The following TASOR2 variants were observed in gnomAD, a reference collection of about 807,000 sequenced individuals.
TASOR2 encodes the protein protein TASOR 2.
Under a neutral mutation model 199.5 loss-of-function variants are expected in TASOR2, and 84 were observed. The observed-to-expected ratio is 0.42, with a 90% confidence interval of 0.35 to 0.50. The LOEUF (loss-of-function observed/expected upper bound fraction) is 0.50. Among genes scored for constraint, TASOR2 ranks in the 20% least tolerant of loss-of-function variants. TASOR2 has a pLI of 0.02. For missense variants in TASOR2, 2,796 were observed against 2,835.9 expected, an observed-to-expected ratio of 0.99 and a Z score of 0.32; for synonymous variants, 1,103 against 1,046.6, an observed-to-expected ratio of 1.05 and a Z score of -1.04.
intron 8 of TASOR2, among the ~76,000 whole-genome samples, chr10:5,726,077 G>T (rs376530731): frequency 6.6e-6 from 1 of 151,990 alleles, no homozygotes; most frequent in Non-Finnish European, 1.5e-5. Flanking sequence ...TCTGTAAAAT[G>T]GTATATTTTA....
chr10:5,710,201 C>T lies in TASOR2; in HGVS notation c.-287-2622C>T, dbSNP rs529450736. ...TAGATGAAATTTTCATCTGTCTCCT[C>T]ATTTACTGAACAGGAAACTTGTGCT... On this transcript the variant is annotated intron_variant, in intron 1 of 20. Coordinates refer to ENST00000328090, the Ensembl canonical transcript of TASOR2. This position sits in a 1 kb window ranked among gnomAD's most constrained non-coding sequence, Gnocchi z 4.6. 6.6e-6 allele frequency among the ~76,000 whole-genome samples: 1 copy of T among 152,136 alleles called. No individual in the cohort carries two copies. The highest frequency in any genetic ancestry group is 1.9e-4 in the East Asian group (1 of 5,186).
At chr10:5,743,141 A>G (rs1287028069) in intron 14 of TASOR2, among the ~76,000 whole-genome samples, 2 of 152,268 alleles carry the variant, frequency 1.3e-5, no homozygotes, top group African/African-American at 2.4e-5. Flanking sequence ...TTCTAAGCAA[A>G]TGAATTGACA....
chr10:5,735,453 G>A (rs781127469), exon 12 of TASOR2: 10 of 1,613,926 alleles, frequency 6.2e-6, no homozygotes, highest in Admixed American at 3.3e-5. Flanking sequence ...TGTTCCAAGG[G>A]CTAAGCCACC....
At chr10:5,734,318 A>G (rs1180423030) in intron 11 of TASOR2, among the ~76,000 whole-genome samples, 1 of 152,210 alleles carries the variant, frequency 6.6e-6, no homozygotes, top group East Asian at 1.9e-4. Flanking sequence ...AAGAGACACC[A>G]TTGTGTAAGA....
chr10:5,721,526 G>A (rs118017853), intron 6 of TASOR2, among the ~76,000 whole-genome samples: 3,737 of 152,144 alleles, frequency 0.025, 59 homozygotes, highest in South Asian at 0.037. Flanking sequence ...CTGATGTGTT[G>A]TGAGGATTCA....
In TASOR2 at chr10:5,730,043, T is replaced by G. The variant is rs1470370789; in HGVS notation, c.488-444T>G. On this transcript the variant is annotated intron_variant, in intron 10 of 20. Coordinates refer to ENST00000328090, the Ensembl canonical transcript of TASOR2. The surrounding 1 kb of genome is among the most constrained non-coding windows in gnomAD (Gnocchi z 4.1). ...TTCAGTTCAGTTGACTTGCACTAAC[T>G]TCTGAAAAGAATTTGAAGTGAGTTC... Among the ~76,000 whole-genome samples the G allele has an allele frequency of 6.6e-6, 1 of 152,222 alleles. No homozygotes were observed. The highest frequency in any genetic ancestry group is 2.4e-5 in the African/African-American group (1 of 41,464).
rs11593253 is a variant in TASOR2 at position 5,748,766 on chromosome 10, C to T, written c.5345C>T (p.Thr1782Ile). Reference sequence around the variant, plus strand: ...TCCTTTGTTTCAGAATCCTTTGATACTTCTGTTTGTGGAATAGCCACAGAG... The same window carrying T: ...TCCTTTGTTTCAGAATCCTTTGATATTTCTGTTTGTGGAATAGCCACAGAG... Residue 1782 changes from threonine (T) to isoleucine (I), a missense_variant, in exon 15 of 21, where the codon ACT becomes ATT. This residue lies in a region of TASOR2 where 1,941 missense variants were observed against 1,924.9 expected (regional missense o/e 1.01). Coordinates refer to ENST00000328090, the Ensembl canonical transcript of TASOR2. The surrounding 1 kb of genome is among the most constrained non-coding windows in gnomAD (Gnocchi z 5.1). The T allele has an allele frequency of 7.5e-3, 12,127 of 1,614,128 alleles. 132 individuals carry two copies. Among genetic ancestry groups the T allele is most frequent in the South Asian group, 0.036 (3,243 of 91,074 alleles).
In TASOR2 at chr10:5,720,128, G is replaced by T. The variant is rs532391014; in HGVS notation, c.-99-416G>T. On this transcript the variant is annotated intron_variant, in intron 3 of 20. Transcript: ENST00000328090. The surrounding 1 kb of genome is among the most constrained non-coding windows in gnomAD (Gnocchi z 5.3). ...CTTAAGATAATTGTTTTTCTAAGAA[G>T]TATAGTTCTTAATACAGTTACTGTT... 8.2e-5 allele frequency: 27 copies of T among 329,890 alleles called. No homozygotes were observed. The highest frequency in any genetic ancestry group is 5.4e-4 in the African/African-American group (24 of 44,796). 20.4% of individuals were successfully genotyped at this position (329,890 alleles called of 1,614,324 possible). A position where few individuals can be genotyped will look rare whatever the true frequency, so the allele number is the denominator to read the frequency against.
At chr10:5,713,684 A>G (rs1183327525) in intron 2 of TASOR2, 1 of 152,350 alleles carries the variant, frequency 6.6e-6, no homozygotes. Context: ...TTTGGCAACA[A>G]GACATTTTGA....
rs763854402 is a variant in TASOR2, at chr10:5,720,963, A to G, written c.139A>G (p.Thr47Ala). ...GTCCACTTACGGTGCAATGATTCCAACACAGCTGTAAGTATTAAATGTTAT... is the reference window on the plus strand; with the variant it reads ...GTCCACTTACGGTGCAATGATTCCAGCACAGCTGTAAGTATTAAATGTTAT... The change falls in exon 6 of 21, where the codon ACA becomes GCA. Residue 47 changes from threonine (T) to alanine (A), a missense_variant. Thr to Ala is a moderately conservative substitution (Grantham distance 58). Around this residue, in one of 3 missense-constraint regions of TASOR2, gnomAD observed 847 missense variants for 887.4 expected, o/e 0.95. Coordinates refer to ENST00000328090, the Ensembl canonical transcript of TASOR2. The surrounding 1 kb of genome is among the most constrained non-coding windows in gnomAD (Gnocchi z 5.3). 4 of 1,611,106 alleles carry G rather than the reference A, an allele frequency of 2.5e-6. No individual in the cohort carries two copies. The highest frequency in any genetic ancestry group is 2.5e-6 in the Non-Finnish European group (3 of 1,178,390).
intron 6 of TASOR2, among the ~76,000 whole-genome samples, chr10:5,721,917 T>A (rs1383722987): frequency 6.6e-6 from 1 of 152,170 alleles, no homozygotes; most frequent in East Asian, 1.9e-4. Flanking sequence ...ATCGTCTATA[T>A]TTTTCAAAAT....
In TASOR2 at chr10:5,699,739, TAAG is replaced by T. The variant is rs1244136837; in HGVS notation, c.-287-13083_-287-13081del. On this transcript the variant is annotated intron_variant, in intron 1 of 20. Coordinates refer to ENST00000328090, the Ensembl canonical transcript of TASOR2. This position sits in a 1 kb window ranked among gnomAD's most constrained non-coding sequence, Gnocchi z 4.1. ...TAAAAGTAGAAATGAAATTTTATGG[TAAG>T]TATATTTTACCACAATTTTGATAAT... is the stretch of plus-strand genomic sequence containing the variant. The T allele has an allele frequency of 9.6e-6, 8 of 834,924 alleles. No homozygotes were observed. Among genetic ancestry groups the T allele is most frequent in the Non-Finnish European group, 1.2e-5 (8 of 693,054 alleles). The allele number at this position is 834,924 out of a possible 1,614,324, so 51.7% of individuals were successfully genotyped here.
chr10:5,721,071 G>T (rs1439876734), intron 6 of TASOR2, 101 bp downstream of exon 7: 1 of 837,976 alleles, frequency 1.2e-6, no homozygotes, highest in African/African-American at 1.7e-5. Flanking sequence ...GTAAAATACA[G>T]CAACTGTTCT....
chr10:5,715,493 A>AT (rs1564283572), intron 2 of TASOR2, among the ~76,000 whole-genome samples: 1 of 152,154 alleles, frequency 6.6e-6, no homozygotes, highest in Non-Finnish European at 1.5e-5. Flanking sequence ...CATATATGGT[A>AT]TTTTTTGAGT....
At position 5,754,129 on chromosome 10, in the gene TASOR2, A is replaced by G. The variant is rs1173242132; in HGVS notation, c.6607-2484A>G. On this transcript the variant is annotated intron_variant, in intron 15 of 20. Coordinates refer to ENST00000328090, the Ensembl canonical transcript of TASOR2. The surrounding 1 kb of genome is among the most constrained non-coding windows in gnomAD (Gnocchi z 4.3). ...AGACCAGCCTAGCCAATATAGTGAA[A>G]CCCCGTCTCTACTAAAAATAAAAAA... is the stretch of plus-strand genomic sequence containing the variant. Among the ~76,000 whole-genome samples the G allele has an allele frequency of 6.6e-6, 1 of 151,892 alleles. No individual in the cohort carries two copies. Among genetic ancestry groups the G allele is most frequent in the Non-Finnish European group, 1.5e-5 (1 of 67,976 alleles).
intron 8 of TASOR2, 85 bp from the exon 10 acceptor site, chr10:5,726,800 C>A: frequency 8.1e-7 from 1 of 1,227,866 alleles, no homozygotes; most frequent in African/African-American, 1.5e-5. Context: ...TTCTTGAGGT[C>A]AATATTCACT....
In TASOR2 at chr10:5,746,651, C is replaced by A; in HGVS notation, c.3230C>A (p.Thr1077Asn). The change falls in exon 15 of 21, where the codon ACC (threonine) becomes AAC (asparagine). Residue 1077 changes from threonine (T) to asparagine (N), a missense_variant. Transcript: ENST00000328090. ...GTAAATACTGCTGATGAACGTACAA[C>A]CTTTAAGAAGGAGTTGATTAAGCAA... is the stretch of plus-strand genomic sequence containing the variant. The A allele has an allele frequency of 1.2e-6, 2 of 1,614,092 alleles. No individual in the cohort carries two copies. Among genetic ancestry groups the A allele is most frequent in the Middle Eastern group, 3.3e-4 (2 of 6,062 alleles).
chr10:5,705,863 G>A (rs1297391603), intron 1 of TASOR2, among the ~76,000 whole-genome samples: 1 of 151,942 alleles, frequency 6.6e-6, no homozygotes, highest in Non-Finnish European at 1.5e-5. Context: ...AAGATCAGAT[G>A]GTTTTAATTT....
At chr10:5,713,530 A>G (rs948384052) in intron 2 of TASOR2, among the ~76,000 whole-genome samples, 5 of 152,184 alleles carry the variant, frequency 3.3e-5, no homozygotes, top group Non-Finnish European at 7.3e-5. Context: ...ATGGTTTATA[A>G]AGAAGGGGGG....
Sources: gnomAD v4.1 joint callset for allele counts (sites outside exome capture counted in the v4.1 genomes callset) on GRCh38, gnomAD v4.1.1 for gene constraint, gnomAD v4.1.1 regional missense constraint, Gnocchi (gnomAD v3.1) non-coding constraint, MANE v1.5 for transcripts, NCBI Gene and HGNC (gene_info 2026-07-23, HGNC 2026-07-21) for gene names.